ITGB8: variants seen among roughly 807,000 people sequenced by gnomAD.
The protein encoded by ITGB8 is integrin subunit beta 8, also known as integrin beta-8.
A neutral mutation model predicts 89.5 loss-of-function variants in ITGB8; 30 were observed. The observed-to-expected ratio is 0.34, with a 90% confidence interval of 0.25 to 0.45. ITGB8 has a LOEUF of 0.45. Among genes scored for constraint, ITGB8 ranks in the 20% least tolerant of loss-of-function variants. The pLI, the probability that ITGB8 is intolerant of heterozygous loss-of-function variation, is 1.00. For missense variants in ITGB8, 836 were observed against 933.3 expected (o/e 0.90, Z 1.36); for synonymous variants, 335 against 320.4 (o/e 1.05, Z -0.49).
At position 20,411,382 on chromosome 7, in the gene ITGB8, T is replaced by G. The variant is rs1049976586; in HGVS notation, c.*1385T>G. 6 of 152,320 alleles carry G rather than the reference T, an allele frequency of 3.9e-5. No homozygotes were observed. Among genetic ancestry groups the G allele is most frequent in the African/African-American group, 1.4e-4 (6 of 41,526 alleles). 9.4% of individuals were successfully genotyped at this position (152,320 alleles called of 1,614,324 possible). ...GTTGGACAGGTTGATCTCAAACTCC[T>G]GACCTCAGGTGATCTACCCTCCTCG... On this transcript the variant is annotated 3_prime_UTR_variant, in exon 14 of 14. Coordinates refer to ENST00000222573, the MANE Select transcript of ITGB8 (RefSeq NM_002214.3).
chr7:20,392,928 C>T (rs1002488075), intron 7 of ITGB8, among the ~76,000 whole-genome samples: 10 of 152,200 alleles, frequency 6.6e-5, no homozygotes, highest in Non-Finnish European at 1.0e-4. Flanking sequence ...TATTAGCAAT[C>T]GTAACAGCTT....
At chr7:20,362,910 T>G (rs1268719085) in intron 1 of ITGB8, among the ~76,000 whole-genome samples, 1 of 152,250 alleles carries the variant, frequency 6.6e-6, no homozygotes. Context: ...TAGGCACTAC[T>G]ATGTTATTAA....
At chr7:20,399,601 C>A (rs1168414861) in intron 9 of ITGB8, among the ~76,000 whole-genome samples, 1 of 150,226 alleles carries the variant, frequency 6.7e-6, no homozygotes, top group East Asian at 1.9e-4. Context: ...GGAGAGAGAT[C>A]CAGATTGTAA....
At chr7:20,379,397 C>A (rs1786282622) in intron 4 of ITGB8, 100 bp downstream of exon 4, 1 of 717,790 alleles carries the variant, frequency 1.4e-6, no homozygotes, top group Non-Finnish European at 2.0e-6. Flanking sequence ...ATATTTTTAT[C>A]TTATAAAATA....
chr7:20,346,882 C>T (rs1482795854), intron 1 of ITGB8: 1 of 981,906 alleles, frequency 1.0e-6, no homozygotes, highest in Non-Finnish European at 1.2e-6. Flanking sequence ...TTTGTTAGAA[C>T]TTTATGCTAT....
At chr7:20,378,178 C>T (rs1429365228) in intron 3 of ITGB8, among the ~76,000 whole-genome samples, 1 of 152,184 alleles carries the variant, frequency 6.6e-6, no homozygotes, top group Non-Finnish European at 1.5e-5. Flanking sequence ...CAACCCAAGT[C>T]CTTGTATCAA....
At chr7:20,384,586 G>A (rs1209377958) in intron 6 of ITGB8, among the ~76,000 whole-genome samples, 7 of 152,202 alleles carry the variant, frequency 4.6e-5, no homozygotes, top group African/African-American at 1.7e-4. Context: ...GAAAAGCTAA[G>A]TAAGTTGCCT....
Position 20,346,811 on chromosome 7 carries a change from C to T in ITGB8, c.127+14878C>T, listed in dbSNP as rs1187637944. The T allele has an allele frequency of 3.0e-6, 3 of 985,222 alleles. No homozygotes were observed. In the African/African-American group the frequency reaches 5.2e-5, roughly 17 times the overall value. 61.0% of individuals were successfully genotyped at this position (985,222 alleles called of 1,614,324 possible). On this transcript the variant is annotated intron_variant, in intron 1 of 13. Coordinates refer to ENST00000222573, the MANE Select transcript of ITGB8 (RefSeq NM_002214.3). ...GCAGAGAGGAGGCATGTACATTGAC[C>T]ATGACATAGGACTTTAGGAGAAAAG...
chr7:20,334,600 C>T (rs376043629), intron 1 of ITGB8, among the ~76,000 whole-genome samples: 5 of 152,100 alleles, frequency 3.3e-5, no homozygotes, highest in Admixed American at 6.5e-5. Flanking sequence ...CCCCTCAAAG[C>T]GTTGCATAGC....
chr7:20,340,990 A>G (rs944925134), intron 1 of ITGB8, among the ~76,000 whole-genome samples: 1 of 152,238 alleles, frequency 6.6e-6, no homozygotes, highest in African/African-American at 2.4e-5. Context: ...AGGCTTAGTC[A>G]TGCAAGGTAT....
At chr7:20,341,245 C>T (rs917872706) in intron 1 of ITGB8, among the ~76,000 whole-genome samples, 1 of 151,914 alleles carries the variant, frequency 6.6e-6, no homozygotes, top group Admixed American at 6.6e-5. Flanking sequence ...TCATAAAGTG[C>T]AAAATAAAAT....
chr7:20,399,566 CAA>C (rs35575681), intron 9 of ITGB8, among the ~76,000 whole-genome samples: 2 of 145,294 alleles, frequency 1.4e-5, no homozygotes, highest in African/African-American at 2.5e-5. Flanking sequence ...CATCATTTAC[CAA>C]AAAAAAAAAA....
chr7:20,407,113 A>T (rs913546971), intron 12 of ITGB8, among the ~76,000 whole-genome samples: 2 of 152,170 alleles, frequency 1.3e-5, no homozygotes, highest in Non-Finnish European at 2.9e-5. Flanking sequence ...TGGGGAACTC[A>T]TATTTCTGGT....
At chr7:20,372,623 G>C (rs117832733) in intron 3 of ITGB8, among the ~76,000 whole-genome samples, 2,953 of 152,274 alleles carry the variant, frequency 0.019, 49 homozygotes, top group Non-Finnish European at 0.028. Flanking sequence ...ACAGGAGATG[G>C]TAAGTGAACG....
chr7:20,405,695 G>A (rs1373789042), intron 11 of ITGB8, among the ~76,000 whole-genome samples: 1 of 152,068 alleles, frequency 6.6e-6, no homozygotes, highest in African/African-American at 2.4e-5. Context: ...TAAATGAAAG[G>A]TTATATATTA....
At chr7:20,344,370 T>C (rs146306571) in intron 1 of ITGB8, among the ~76,000 whole-genome samples, 3 of 152,352 alleles carry the variant, frequency 2.0e-5, no homozygotes, top group African/African-American at 7.2e-5. Flanking sequence ...TCAATACATA[T>C]GGTCCACCTT....
intron 1 of ITGB8, among the ~76,000 whole-genome samples, chr7:20,347,546 C>T (rs1390628703): frequency 6.6e-6 from 1 of 152,058 alleles, no homozygotes; most frequent in Admixed American, 6.6e-5. Context: ...GTTGTTGAGG[C>T]TGTGGTAGAG....
At chr7:20,391,571 C>A in intron 7 of ITGB8, 73 bp downstream of exon 7, 2 of 694,866 alleles carry the variant, frequency 2.9e-6, no homozygotes, top group Non-Finnish European at 4.8e-6. Flanking sequence ...TTCTTTAGAA[C>A]CACAGATAAG....
intron 4 of ITGB8, chr7:20,379,522 TCACC>T: frequency 5.6e-6 from 1 of 177,286 alleles, no homozygotes. Flanking sequence ...TCAGTTTTTA[TCACC>T]AAAAAAAACA....
Sources: allele counts gnomAD v4.1 joint callset (sites outside exome capture counted in the v4.1 genomes callset), GRCh38; gene constraint gnomAD v4.1.1; transcripts MANE v1.5; gene names NCBI Gene and HGNC (gene_info 2026-07-23, HGNC 2026-07-21).